LTBP1: variants seen among roughly 807,000 people sequenced by gnomAD.
LTBP1 encodes latent-transforming growth factor beta-binding protein 1.
A neutral mutation model predicts 207.6 loss-of-function variants in LTBP1; 129 were observed. The ratio of observed to expected loss-of-function variants is 0.62; its 90% CI spans 0.54 to 0.72. LTBP1 has a LOEUF of 0.72. LTBP1 is among the 30% of genes least tolerant of loss of function. The pLI is 0.00. For synonymous variants in LTBP1, 963 were observed against 833.7 expected (o/e 1.16, Z -2.67); for missense variants, 2,281 against 2,217.2 (o/e 1.03, Z -0.58).
chr2:33,309,328 G>A (rs2094146603), intron 22 of LTBP1, 106 bp from the exon 23 acceptor site: 2 of 617,716 alleles, frequency 3.2e-6, no homozygotes, highest in Admixed American at 3.9e-5. Flanking sequence ...TTAAAATTAT[G>A]TATTATAAAT....
At chr2:32,994,830 G>A (rs1378539072) in intron 2 of LTBP1, among the ~76,000 whole-genome samples, 1 of 152,158 alleles carries the variant, frequency 6.6e-6, no homozygotes, top group Non-Finnish European at 1.5e-5. Flanking sequence ...AAAAATTCCA[G>A]TTCTCAGGCT....
At chr2:33,332,392 A>AG (rs2094504975) in intron 24 of LTBP1, among the ~76,000 whole-genome samples, 1 of 147,904 alleles carries the variant, frequency 6.8e-6, no homozygotes, top group Admixed American at 6.7e-5. Context: ...AAAAAAAAAA[A>AG]AAAAAAGAGA....
At chr2:33,016,704 A>G (rs977820707) in intron 2 of LTBP1, among the ~76,000 whole-genome samples, 6 of 151,862 alleles carry the variant, frequency 4.0e-5, no homozygotes, top group Non-Finnish European at 8.8e-5. Flanking sequence ...AACTGATGGG[A>G]AAAAAAATAA....
intron 20 of LTBP1, among the ~76,000 whole-genome samples, chr2:33,298,983 T>C (rs1039735547): frequency 1.3e-5 from 2 of 152,108 alleles, no homozygotes; most frequent in African/African-American, 2.4e-5. Context: ...GGTTAAGAAA[T>C]GAAACTTTGC....
At chr2:33,358,934 G>A (rs903826352) in intron 26 of LTBP1, among the ~76,000 whole-genome samples, 4 of 152,140 alleles carry the variant, frequency 2.6e-5, no homozygotes, top group African/African-American at 7.2e-5. Flanking sequence ...TTAAGAGTAC[G>A]CAAAGTGAAT....
intron 2 of LTBP1, among the ~76,000 whole-genome samples, chr2:32,987,051 AT>A (rs1264947866): frequency 3.9e-5 from 6 of 152,086 alleles, no homozygotes; most frequent in African/African-American, 1.4e-4. Flanking sequence ...CTGTGGGTGC[AT>A]TGTGGAATGG....
chr2:33,036,260 G>A (rs900426007), intron 3 of LTBP1, among the ~76,000 whole-genome samples: 3 of 152,146 alleles, frequency 2.0e-5, no homozygotes, highest in African/African-American at 2.4e-5. Flanking sequence ...TTGGGTGGCT[G>A]ACAAACTCGC....
chr2:33,170,085 C>T (rs184640587), intron 5 of LTBP1, among the ~76,000 whole-genome samples: 19 of 152,284 alleles, frequency 1.2e-4, no homozygotes, highest in Admixed American at 5.9e-4. Context: ...ATGCAGAAGA[C>T]GGGTGATTTC....
At chr2:32,965,307 C>G (rs556079868) in intron 2 of LTBP1, among the ~76,000 whole-genome samples, 62 of 152,284 alleles carry the variant, frequency 4.1e-4, no homozygotes, top group African/African-American at 1.4e-3. Context: ...CTGTCCCTGT[C>G]CTGTTACAAT....
intron 24 of LTBP1, 108 bp downstream of exon 24, chr2:33,315,377 G>A: frequency 1.5e-6 from 2 of 1,379,286 alleles, no homozygotes; most frequent in East Asian, 2.3e-5. Context: ...ATAATTCAGA[G>A]CCTCAAAGCA....
At chr2:32,975,463 T>C (rs747352202) in intron 2 of LTBP1, among the ~76,000 whole-genome samples, 1 of 152,062 alleles carries the variant, frequency 6.6e-6, no homozygotes, top group Non-Finnish European at 1.5e-5. Context: ...GTGAATGATA[T>C]CCTTAAATAT....
At chr2:33,369,589 G>A (rs556858327) in intron 31 of LTBP1, among the ~76,000 whole-genome samples, 12 of 152,128 alleles carry the variant, frequency 7.9e-5, no homozygotes, top group African/African-American at 2.6e-4. Flanking sequence ...ACAGAGTCTC[G>A]CTCTGTCACC....
chr2:32,960,979 C>T (rs932983374), intron 2 of LTBP1, among the ~76,000 whole-genome samples: 1 of 152,084 alleles, frequency 6.6e-6, no homozygotes, highest in Admixed American at 6.5e-5. Flanking sequence ...ACAACACAAG[C>T]ACAGTCAACA....
chr2:33,355,238 C>T lies in LTBP1; in HGVS notation c.4001-5359C>T, dbSNP rs370465232. 3.4e-4 allele frequency among the ~76,000 whole-genome samples: 51 copies of T among 152,000 alleles called. No individual in the cohort carries two copies. The East Asian group carries it at 4.9e-3, about 15-fold the overall frequency. ...TCCATATGTGCTTCCTATTCTGACT[C>T]ATCTCAGTGTACTATTCTCTCGTTT... On this transcript the variant is annotated intron_variant, in intron 26 of 33. Transcript: ENST00000404816.
intron 2 of LTBP1, among the ~76,000 whole-genome samples, chr2:32,993,450 A>G (rs758855798): frequency 3.3e-5 from 5 of 152,144 alleles, no homozygotes; most frequent in Admixed American, 2.0e-4. Context: ...TACAAGTTCA[A>G]TCCAAACACC....
At chr2:33,334,665 A>C (rs1366702311) in intron 24 of LTBP1, among the ~76,000 whole-genome samples, 2 of 152,198 alleles carry the variant, frequency 1.3e-5, no homozygotes, top group Non-Finnish European at 2.9e-5. Context: ...GATATCTTTA[A>C]CTGTAGATGG....
chr2:33,183,955 T>C (rs2086918768), intron 5 of LTBP1, among the ~76,000 whole-genome samples: 1 of 152,178 alleles, frequency 6.6e-6, no homozygotes, highest in Non-Finnish European at 1.5e-5. Context: ...GTCACCTTTG[T>C]AATTTTTCCA....
intron 15 of LTBP1, among the ~76,000 whole-genome samples, chr2:33,268,186 A>C (rs889323454): frequency 2.0e-5 from 3 of 152,242 alleles, no homozygotes; most frequent in Admixed American, 6.5e-5. Context: ...TTTTGTATCA[A>C]ATATAATTTA....
At chr2:32,951,294 C>A (rs891411415) in intron 2 of LTBP1, among the ~76,000 whole-genome samples, 32 of 152,288 alleles carry the variant, frequency 2.1e-4, no homozygotes, top group African/African-American at 6.5e-4. Flanking sequence ...AATTTAGGTA[C>A]AAATGCTAGA....
Sources: gnomAD v4.1 joint callset for allele counts (sites outside exome capture counted in the v4.1 genomes callset) on GRCh38, gnomAD v4.1.1 for gene constraint, MANE v1.5 for transcripts, NCBI Gene and HGNC (gene_info 2026-07-23, HGNC 2026-07-21) for gene names.